The following MAP2K6 variants were observed in gnomAD, a reference collection of about 807,000 sequenced individuals.
The protein encoded by MAP2K6 is dual specificity mitogen-activated protein kinase kinase 6.
MAP2K6 carries 16 observed loss-of-function variants against 53.7 expected under a neutral mutation model. The observed-to-expected ratio is 0.30, with a 90% CI of 0.20 to 0.45. The LOEUF is 0.45. Among genes scored for constraint, MAP2K6 ranks in the 20% least tolerant of loss-of-function variants. The pLI, the probability that MAP2K6 is intolerant of heterozygous loss-of-function variation, is 1.00. For synonymous variants in MAP2K6, 132 were observed against 143.1 expected (o/e 0.92, Z 0.55); for missense variants, 204 against 411.9 (o/e 0.50, Z 4.37).
In MAP2K6 at chr17:69,422,267, G is replaced by C. The variant is rs937867970; in HGVS notation, c.16+7267G>C. On this transcript the variant is annotated intron_variant, in intron 1 of 11. Transcript: ENST00000590474. ...CTGCCTCAGCCTCCCGAGTAGCTGG[G>C]ATTACAGGTGCCTGCCACCATACCA... is the stretch of plus-strand genomic sequence containing the variant. Among the ~76,000 whole-genome samples the C allele has an allele frequency of 2.0e-5, 3 of 151,666 alleles. No individual in the cohort carries two copies. The South Asian group carries it at 6.3e-4, about 32-fold the overall frequency.
At chr17:69,449,911 CCTCTTTCT>C (rs756695815) in intron 1 of MAP2K6, among the ~76,000 whole-genome samples, 34 of 151,056 alleles carry the variant, frequency 2.3e-4, no homozygotes, top group Admixed American at 7.3e-4. Flanking sequence ...CCGCGCCCGG[CCTCTTTCT>C]CTCTTTCTCT....
chr17:69,415,348 T>C (rs1905865656), intron 1 of MAP2K6, among the ~76,000 whole-genome samples: 1 of 152,230 alleles, frequency 6.6e-6, no homozygotes, highest in Non-Finnish European at 1.5e-5. Flanking sequence ...ATATTGTAAG[T>C]AATTTTGTAT....
At chr17:69,482,656 G>A (rs1255017704) in intron 1 of MAP2K6, among the ~76,000 whole-genome samples, 1 of 150,742 alleles carries the variant, frequency 6.6e-6, no homozygotes, top group African/African-American at 2.4e-5. Context: ...GCATTCCATT[G>A]TTGAATGCCC....
At chr17:69,444,613 A>G (rs887995728) in intron 1 of MAP2K6, among the ~76,000 whole-genome samples, 6 of 152,214 alleles carry the variant, frequency 3.9e-5, no homozygotes, top group Admixed American at 3.9e-4. Context: ...TCAAGTCCCA[A>G]AATGGATCCT....
intron 1 of MAP2K6, among the ~76,000 whole-genome samples, chr17:69,431,659 C>T (rs1471981062): frequency 1.3e-5 from 2 of 152,180 alleles, no homozygotes; most frequent in African/African-American, 4.8e-5. Context: ...GACTCCCTCC[C>T]TCTTTCTTTA....
chr17:69,466,319 A>G (rs1371388949), intron 1 of MAP2K6, among the ~76,000 whole-genome samples: 3 of 151,796 alleles, frequency 2.0e-5, no homozygotes, highest in Admixed American at 6.6e-5. Flanking sequence ...AAAAAAAGAA[A>G]TATATAGACC....
intron 5 of MAP2K6, chr17:69,519,648 T>A: frequency 1.9e-6 from 1 of 515,986 alleles, no homozygotes. Flanking sequence ...AGATGTGGAG[T>A]TTCTCGTCTC....
At chr17:69,505,667 T>C (rs1567844325) in intron 1 of MAP2K6, 113 bp from the exon 2 acceptor site, 1 of 818,842 alleles carries the variant, frequency 1.2e-6, no homozygotes, top group Non-Finnish European at 2.1e-6. Flanking sequence ...GCGCTTTGAA[T>C]GGAGACATGA....
intron 1 of MAP2K6, among the ~76,000 whole-genome samples, chr17:69,424,468 T>A (rs1373333060): frequency 6.6e-6 from 1 of 152,176 alleles, no homozygotes; most frequent in Non-Finnish European, 1.5e-5. Context: ...ATCAGTGAGG[T>A]GATATCCCAT....
rs938077231 is a variant in MAP2K6 at position 69,543,650 on chromosome 17, C to A, written c.*1897C>A. 6.6e-6 allele frequency: 1 copy of A among 152,048 alleles called. No individual in the cohort carries two copies. Among genetic ancestry groups the A allele is most frequent in the African/African-American group, 2.4e-5 (1 of 41,388 alleles). 9.4% of individuals were successfully genotyped at this position (152,048 alleles called of 1,614,324 possible). Reference sequence around the variant, plus strand: ...CAATTGTATTCCTTACTTTATTCACCCACCTATGAAAACAGGAAGCAATAG... The same window carrying A: ...CAATTGTATTCCTTACTTTATTCACACACCTATGAAAACAGGAAGCAATAG... On this transcript the variant is annotated 3_prime_UTR_variant, in exon 12 of 12. Coordinates refer to ENST00000590474, the MANE Select transcript of MAP2K6 (RefSeq NM_002758.4).
At chr17:69,460,428 A>G (rs541470264) in intron 1 of MAP2K6, among the ~76,000 whole-genome samples, 1 of 152,306 alleles carries the variant, frequency 6.6e-6, no homozygotes, top group Admixed American at 6.5e-5. Flanking sequence ...AGGAGTATTG[A>G]GAGATGAGGC....
chr17:69,457,852 C>T (rs1198074201), intron 1 of MAP2K6, among the ~76,000 whole-genome samples: 1 of 152,128 alleles, frequency 6.6e-6, no homozygotes, highest in East Asian at 1.9e-4. Context: ...TCCAATCTCA[C>T]CCCAGAGCTG....
chr17:69,449,537 CTTTCTTTCTTTCTTTCTTTCTTTA>C (rs1267424655), intron 1 of MAP2K6, among the ~76,000 whole-genome samples: 47 of 84,560 alleles, frequency 5.6e-4, no homozygotes, highest in South Asian at 1.7e-3. Flanking sequence ...CTTTGTCTTT[CTTTCTTTCTTTCTTTCTTTCTTTA>C]TTTCTTTCTT....
intron 1 of MAP2K6, among the ~76,000 whole-genome samples, chr17:69,457,646 C>A (rs1907458785): frequency 6.6e-6 from 1 of 152,050 alleles, no homozygotes; most frequent in South Asian, 2.1e-4. Context: ...AACAAACAAA[C>A]AAACAAAAAT....
intron 1 of MAP2K6, chr17:69,502,796 G>T: frequency 1.3e-6 from 1 of 747,638 alleles, no homozygotes; most frequent in Non-Finnish European, 1.6e-6. Context: ...CTATTATTTT[G>T]GTCTTTTATT....
intron 11 of MAP2K6, among the ~76,000 whole-genome samples, chr17:69,539,316 CCTT>C (rs375508548): frequency 2.4e-4 from 36 of 152,156 alleles, no homozygotes; most frequent in African/African-American, 8.7e-4. Context: ...TAAAGTCCTC[CCTT>C]CTTGTCTCCC....
Position 69,502,412 on chromosome 17 carries a change from G to C in MAP2K6, c.17-3368G>C, listed in dbSNP as rs140009544. 4.6e-4 allele frequency: 457 copies of C among 985,442 alleles called. 1 individual carries two copies. In the African/African-American group the frequency reaches 7.4e-3, roughly 16 times the overall value. 61.0% of individuals were successfully genotyped at this position (985,442 alleles called of 1,614,324 possible). A position where few individuals can be genotyped will look rare whatever the true frequency, so the allele number is the denominator to read the frequency against. On this transcript the variant is annotated intron_variant, in intron 1 of 11. Transcript: ENST00000590474. Reference sequence around the variant, plus strand: ...CTTACTGTGCTGCTCTGTCAGAGATGGGCAAGTAAGCGAACTGCAGAGTGT... The same window carrying C: ...CTTACTGTGCTGCTCTGTCAGAGATCGGCAAGTAAGCGAACTGCAGAGTGT...
Position 69,526,632 on chromosome 17 carries a change from A to G in MAP2K6, c.804A>G (p.Lys268=), listed in dbSNP as rs561983075. ...DSWGTPFQQL[K]QVVEEPSPQL... ...GGGGAACTCCATTTCAGCAGCTCAA[A>G]CAGGTGGTAGAGGAGCCATCGCCAC... The change falls in exon 10 of 12, where the codon AAA becomes AAG. Residue 268 remains lysine, a synonymous_variant. Coordinates refer to ENST00000590474, the MANE Select transcript of MAP2K6 (RefSeq NM_002758.4). 1 of 1,614,056 alleles carries G rather than the reference A, an allele frequency of 6.2e-7. No individual in the cohort carries two copies. The highest frequency in any genetic ancestry group is 1.1e-5 in the South Asian group (1 of 91,072).
chr17:69,535,636 C>A (rs1290655295), intron 10 of MAP2K6, among the ~76,000 whole-genome samples: 1 of 152,134 alleles, frequency 6.6e-6, no homozygotes, highest in Admixed American at 6.5e-5. Context: ...GCTTCTATCT[C>A]AGGCAGATTT....
Sources: allele counts gnomAD v4.1 joint callset (sites outside exome capture counted in the v4.1 genomes callset), GRCh38; gene constraint gnomAD v4.1.1; transcripts MANE v1.5; gene names NCBI Gene and HGNC (gene_info 2026-07-23, HGNC 2026-07-21).